ANK3: variants seen among roughly 807,000 people sequenced by gnomAD.
ANK3 encodes ankyrin 3, also known as ankyrin-3.
Under a neutral mutation model 370.9 loss-of-function variants are expected in ANK3, and 57 were observed. The ratio of observed to expected loss-of-function variants is 0.15; its 90% CI spans 0.12 to 0.19. The LOEUF (loss-of-function observed/expected upper bound fraction) is 0.19. Ranked by LOEUF, ANK3 falls within the 10% of genes least tolerant of loss-of-function variation. ANK3 has a pLI of 1.00. For missense variants in ANK3, 4,439 were observed against 5,302.1 expected, an observed-to-expected ratio of 0.84 and a Z score of 5.06; for synonymous variants, 1,929 against 1,946.3, an observed-to-expected ratio of 0.99 and a Z score of 0.23.
chr10:60,688,754 C>T (rs2079305961), intron 1 of ANK3, among the ~76,000 whole-genome samples: 1 of 152,074 alleles, frequency 6.6e-6, no homozygotes, highest in South Asian at 2.1e-4. Context: ...CGAGACCATC[C>T]TGGCTAACAT....
intron 1 of ANK3, among the ~76,000 whole-genome samples, chr10:60,301,618 G>C (rs949544718): frequency 1.3e-5 from 2 of 151,828 alleles, no homozygotes; most frequent in South Asian, 4.2e-4. Context: ...TCACCATGTT[G>C]GTTGGCCAGG....
chr10:60,586,036 AAAAACAAACAAAC>A, intron 2 of ANK3, among the ~76,000 whole-genome samples: 1 of 140,118 alleles, frequency 7.1e-6, no homozygotes, highest in South Asian at 2.8e-4. Flanking sequence ...AAACAAAAAC[AAAAACAAACAAAC>A]AAAAAAAAGA....
At chr10:60,091,946 G>A (rs541728662) in intron 28 of ANK3, among the ~76,000 whole-genome samples, 2 of 152,174 alleles carry the variant, frequency 1.3e-5, no homozygotes, top group African/African-American at 4.8e-5. Flanking sequence ...GGCCAGGATG[G>A]TCTCGATCTC....
chr10:60,126,240 C>A (rs1466992132), intron 25 of ANK3, among the ~76,000 whole-genome samples: 3 of 152,180 alleles, frequency 2.0e-5, no homozygotes, highest in Non-Finnish European at 4.4e-5. Flanking sequence ...AAGAAATCTA[C>A]TCAGAGAGAG....
intron 2 of ANK3, among the ~76,000 whole-genome samples, chr10:60,574,416 GA>G (rs2077657164): frequency 6.6e-6 from 1 of 152,192 alleles, no homozygotes; most frequent in African/African-American, 2.4e-5. Context: ...CCAGAATTCT[GA>G]ATGGTGTTGG....
At chr10:60,580,674 G>C (rs1163606088) in intron 2 of ANK3, among the ~76,000 whole-genome samples, 1 of 151,956 alleles carries the variant, frequency 6.6e-6, no homozygotes, top group Non-Finnish European at 1.5e-5. Flanking sequence ...GTAACATAGT[G>C]TATAAAATTT....
chr10:60,238,334 G>C (rs996457698), intron 7 of ANK3, among the ~76,000 whole-genome samples: 4 of 152,160 alleles, frequency 2.6e-5, no homozygotes, highest in African/African-American at 9.7e-5. Flanking sequence ...CTCATTTACT[G>C]CTGGTGAAAT....
At chr10:60,254,431 T>G (rs1165375482) in intron 7 of ANK3, among the ~76,000 whole-genome samples, 1 of 152,146 alleles carries the variant, frequency 6.6e-6, no homozygotes, top group Non-Finnish European at 1.5e-5. Context: ...GGAGCCAGGC[T>G]CACCTCCTCT....
At chr10:60,039,630 A>G (rs2075753518) in intron 43 of ANK3, among the ~76,000 whole-genome samples, 2 of 152,146 alleles carry the variant, frequency 1.3e-5, no homozygotes, top group Non-Finnish European at 1.5e-5. Flanking sequence ...GATAAGTTCA[A>G]ATTTTATTCT....
chr10:60,086,545 T>G, intron 30 of ANK3, 132 bp downstream of exon 30: 1 of 740,444 alleles, frequency 1.4e-6, no homozygotes, highest in South Asian at 2.7e-5. Flanking sequence ...ACAAGTAAAA[T>G]GTTTTGTTCT....
chr10:60,397,567 C>T (rs1376940774), intron 2 of ANK3, among the ~76,000 whole-genome samples: 1 of 152,154 alleles, frequency 6.6e-6, no homozygotes, highest in East Asian at 1.9e-4. Context: ...GACAGTAACA[C>T]AGATTGGCAC....
At chr10:60,184,720 A>G (rs1481960372) in intron 17 of ANK3, among the ~76,000 whole-genome samples, 1 of 152,184 alleles carries the variant, frequency 6.6e-6, no homozygotes, top group Admixed American at 6.5e-5. Flanking sequence ...TCACCCTATG[A>G]GGCTAAGATG....
At chr10:60,185,645 C>G (rs1264615951) in intron 17 of ANK3, among the ~76,000 whole-genome samples, 1 of 152,166 alleles carries the variant, frequency 6.6e-6, no homozygotes, top group Non-Finnish European at 1.5e-5. Flanking sequence ...CAGCTATGCC[C>G]ACACCCAGCA....
At chr10:60,153,576 CTT>C (rs2095232068) in intron 23 of ANK3, among the ~76,000 whole-genome samples, 1 of 152,046 alleles carries the variant, frequency 6.6e-6, no homozygotes, top group Non-Finnish European at 1.5e-5. Context: ...GTTTAGGTAT[CTT>C]AAGGTGACTT....
At chr10:60,049,786 T>G (rs1258899885) in intron 42 of ANK3, among the ~76,000 whole-genome samples, 1 of 152,220 alleles carries the variant, frequency 6.6e-6, no homozygotes, top group Admixed American at 6.5e-5. Context: ...TCTAGAATTC[T>G]AGGAGACCAA....
intron 27 of ANK3, chr10:60,108,127 A>T (rs1353171184): frequency 2.5e-6 from 1 of 401,048 alleles, no homozygotes; most frequent in East Asian, 8.5e-5. Flanking sequence ...TGACAGAAAA[A>T]AATTGAAAAT....
chr10:60,093,370 C>T (rs1257051537), intron 28 of ANK3, among the ~76,000 whole-genome samples: 1 of 152,146 alleles, frequency 6.6e-6, no homozygotes, highest in African/African-American at 2.4e-5. Flanking sequence ...ATGGTGCTAG[C>T]AATTTAAGAA....
intron 2 of ANK3, among the ~76,000 whole-genome samples, chr10:60,569,587 TG>T (rs750743166): frequency 6.6e-6 from 1 of 152,188 alleles, no homozygotes; most frequent in Non-Finnish European, 1.5e-5. Flanking sequence ...AACACCAACT[TG>T]AATCATTATA....
upstream of ANK3, among the ~76,000 whole-genome samples, chr10:60,392,324 T>A (rs1481384169): frequency 1.3e-5 from 2 of 152,220 alleles, no homozygotes; most frequent in Admixed American, 1.3e-4. Context: ...ATCAAAAATG[T>A]CCACTTAAAT....
Sources: gnomAD v4.1 joint callset for allele counts (sites outside exome capture counted in the v4.1 genomes callset) on GRCh38, gnomAD v4.1.1 for gene constraint, MANE v1.5 for transcripts, NCBI Gene and HGNC (gene_info 2026-07-23, HGNC 2026-07-21) for gene names.